Variants in RAD51B observed in about 807,000 individuals in gnomAD.
RAD51B encodes RAD51 paralog B, also known as DNA repair protein RAD51 homolog 2.
A neutral mutation model predicts 42.2 loss-of-function variants in RAD51B; 38 were observed. That is an observed-to-expected ratio of 0.90 (90% CI 0.70 to 1.18). RAD51B has a LOEUF of 1.18. Among genes scored for constraint, RAD51B ranks in the 50% most tolerant of loss-of-function variants. The pLI is 0.00. For missense variants in RAD51B, 373 were observed against 400.7 expected, an observed-to-expected ratio of 0.93 and a Z score of 0.59; for synonymous variants, 154 against 145.2, an observed-to-expected ratio of 1.06 and a Z score of -0.43.
At chr14:68,407,504 AATTT>A (rs2084309723) in intron 8 of RAD51B, among the ~76,000 whole-genome samples, 1 of 152,178 alleles carries the variant, frequency 6.6e-6, no homozygotes, top group Non-Finnish European at 1.5e-5. Flanking sequence ...AGGTGATAGG[AATTT>A]ATTAGCTGCA....
chr14:67,930,726 G>C (rs1395361492), intron 7 of RAD51B, among the ~76,000 whole-genome samples: 2 of 151,940 alleles, frequency 1.3e-5, no homozygotes, highest in South Asian at 2.1e-4. Context: ...TAAATCTCTT[G>C]GTAGACTTGG....
intron 10 of RAD51B, among the ~76,000 whole-genome samples, chr14:68,522,263 T>C (rs750565755): frequency 6.6e-6 from 1 of 152,082 alleles, no homozygotes. Context: ...ACAGTGCAGG[T>C]CAAAGCCCTG....
intron 8 of RAD51B, among the ~76,000 whole-genome samples, chr14:68,342,578 C>CCT (rs908205884): frequency 6.6e-6 from 1 of 151,552 alleles, no homozygotes; most frequent in Non-Finnish European, 1.5e-5. Context: ...TCTCTCTCTC[C>CCT]CTCTCTCTCT....
rs200647743 is a variant in RAD51B, at chr14:67,894,893, A to G, written c.756+7689A>G. On this transcript the variant is annotated intron_variant, in intron 7 of 10. Transcript: ENST00000471583. ...GAGTTCTAGTGATCCTCCTGCCTCA[A>G]CCTCCCAAATATCTGGGACTAGAGG... Among the ~76,000 whole-genome samples, 7 of 152,124 alleles carry G rather than the reference A, an allele frequency of 4.6e-5. No homozygotes were observed. The East Asian group carries it at 1.4e-3, about 29-fold the overall frequency.
chr14:68,608,947 TGC>T, intron 10 of RAD51B, among the ~76,000 whole-genome samples: 1 of 152,118 alleles, frequency 6.6e-6, no homozygotes, highest in African/African-American at 2.4e-5. Flanking sequence ...TCTCAACCTC[TGC>T]ACTGGTCTAT....
intron 9 of RAD51B, among the ~76,000 whole-genome samples, chr14:68,430,452 G>A (rs2140133433): frequency 6.6e-6 from 1 of 152,262 alleles, no homozygotes; most frequent in Non-Finnish European, 1.5e-5. Flanking sequence ...TCTCCTTGAA[G>A]AGGTCCTTCA....
At chr14:68,291,263 A>G (rs997051063) in intron 7 of RAD51B, among the ~76,000 whole-genome samples, 8 of 151,894 alleles carry the variant, frequency 5.3e-5, no homozygotes, top group African/African-American at 1.9e-4. Context: ...CAATGGTGCA[A>G]TCTCGGCTCA....
At chr14:67,946,279 C>G (rs2045388203) in intron 7 of RAD51B, among the ~76,000 whole-genome samples, 1 of 152,062 alleles carries the variant, frequency 6.6e-6, no homozygotes, top group Non-Finnish European at 1.5e-5. Flanking sequence ...GTTGTTATGT[C>G]TCTTCGTGGA....
At position 67,941,630 on chromosome 14, in the gene RAD51B, G is replaced by A. The variant is rs560392025; in HGVS notation, c.756+54426G>A. Among the ~76,000 whole-genome samples, 16 of 152,330 alleles carry A rather than the reference G, an allele frequency of 1.1e-4. No individual in the cohort carries two copies. The South Asian group carries it at 1.9e-3, about 18-fold the overall frequency. On this transcript the variant is annotated intron_variant, in intron 7 of 10. Coordinates refer to ENST00000471583, the MANE Select transcript of RAD51B (RefSeq NM_133510.4). ...TGACTCTGAGAATGCCTCGGGCTCTGTGTCAGGACTGGGGGTTTAGTAACC... is the reference window on the plus strand; with the variant it reads ...TGACTCTGAGAATGCCTCGGGCTCTATGTCAGGACTGGGGGTTTAGTAACC...
chr14:67,919,767 G>A (rs1352340527), intron 7 of RAD51B, among the ~76,000 whole-genome samples: 1 of 152,082 alleles, frequency 6.6e-6, no homozygotes, highest in Non-Finnish European at 1.5e-5. Context: ...ACATACTTAA[G>A]AAGGTTGAGG....
chr14:67,899,000 A>G (rs1253889654), intron 7 of RAD51B, among the ~76,000 whole-genome samples: 3 of 152,090 alleles, frequency 2.0e-5, no homozygotes, highest in Admixed American at 6.6e-5. Flanking sequence ...TGATATTGAA[A>G]GATAAATATT....
chr14:68,237,024 T>C (rs1314915), intron 7 of RAD51B, among the ~76,000 whole-genome samples: 29,941 of 152,182 alleles, frequency 0.2, 3,383 homozygotes, highest in Middle Eastern at 0.37. Flanking sequence ...AGCTGACACA[T>C]TCTGCCTGCC....
intron 9 of RAD51B, among the ~76,000 whole-genome samples, chr14:68,459,913 G>C (rs977363634): frequency 6.6e-6 from 1 of 152,268 alleles, no homozygotes; most frequent in East Asian, 1.9e-4. Context: ...TGTGAGATTT[G>C]GGGTTGGGGT....
chr14:68,268,941 T>C (rs2081046907), intron 7 of RAD51B, among the ~76,000 whole-genome samples: 1 of 152,164 alleles, frequency 6.6e-6, no homozygotes, highest in Admixed American at 6.5e-5. Context: ...GATTCAACTA[T>C]AGCAGCCACA....
intron 7 of RAD51B, among the ~76,000 whole-genome samples, chr14:68,039,794 G>A (rs1467507063): frequency 2.0e-5 from 3 of 152,204 alleles, no homozygotes; most frequent in Non-Finnish European, 4.4e-5. Context: ...TAGACTTCCT[G>A]TTTGCTCTAA....
intron 7 of RAD51B, among the ~76,000 whole-genome samples, chr14:68,279,335 G>A (rs899358993): frequency 6.6e-6 from 1 of 152,344 alleles, no homozygotes; most frequent in African/African-American, 2.4e-5. Flanking sequence ...AAGGCAGGAC[G>A]GCTTCCATGA....
At chr14:67,946,709 A>G (rs574721038) in intron 7 of RAD51B, among the ~76,000 whole-genome samples, 1 of 152,186 alleles carries the variant, frequency 6.6e-6, no homozygotes, top group African/African-American at 2.4e-5. Flanking sequence ...GATATAAGCA[A>G]TATGATCATA....
At chr14:68,105,597 T>C (rs543316334) in intron 7 of RAD51B, among the ~76,000 whole-genome samples, 1 of 152,020 alleles carries the variant, frequency 6.6e-6, no homozygotes, top group African/African-American at 2.4e-5. Context: ...AGATTGGTTT[T>C]GTTATTATTT....
intron 11 of RAD51B, among the ~76,000 whole-genome samples, chr14:68,661,903 C>T (rs1892941247): frequency 6.6e-6 from 1 of 152,244 alleles, no homozygotes; most frequent in African/African-American, 2.4e-5. Context: ...ACCAACAAGG[C>T]TCTTCAACAT....
Sources: allele counts gnomAD v4.1 joint callset (sites outside exome capture counted in the v4.1 genomes callset), GRCh38; gene constraint gnomAD v4.1.1; transcripts MANE v1.5; gene names NCBI Gene and HGNC (gene_info 2026-07-23, HGNC 2026-07-21).